The following GALNTL6 variants were observed in gnomAD, a reference collection of about 807,000 sequenced individuals.
The protein encoded by GALNTL6 is polypeptide N-acetylgalactosaminyltransferase-like 6.
In GALNTL6, 46 loss-of-function variants were observed where a neutral mutation model predicts 73.7. That is an observed-to-expected ratio of 0.62 (90% CI 0.49 to 0.80). GALNTL6 has a LOEUF of 0.80. GALNTL6 is among the 30% of genes least tolerant of loss of function. The probability of loss-of-function intolerance (pLI) is 0.00; values close to 1 mark genes in which losing one functional copy is unlikely to be tolerated. For missense variants in GALNTL6, 604 were observed against 755.0 expected, an observed-to-expected ratio of 0.80 and a Z score of 2.34; for synonymous variants, 259 against 263.7, an observed-to-expected ratio of 0.98 and a Z score of 0.17.
chr4:172,360,904 G>A (rs1742342262), intron 5 of GALNTL6, among the ~76,000 whole-genome samples: 1 of 152,142 alleles, frequency 6.6e-6, no homozygotes, highest in African/African-American at 2.4e-5. Context: ...AGGTTTGAAG[G>A]CCAGAAGCAA....
chr4:172,487,295 C>CTTCT (rs1554029530), intron 5 of GALNTL6, among the ~76,000 whole-genome samples: 11 of 81,568 alleles, frequency 1.3e-4, no homozygotes, highest in South Asian at 1.0e-3. Context: ...TCCTTCTTTC[C>CTTCT]TTCTGTCTTT....
chr4:172,576,279 T>C (rs763326094), intron 5 of GALNTL6, among the ~76,000 whole-genome samples: 1 of 152,162 alleles, frequency 6.6e-6, no homozygotes, highest in Non-Finnish European at 1.5e-5. Flanking sequence ...TGGGTATTCA[T>C]CTACACAGGG....
At chr4:172,206,697 A>T (rs1469359164) in intron 2 of GALNTL6, among the ~76,000 whole-genome samples, 1 of 151,870 alleles carries the variant, frequency 6.6e-6, no homozygotes, top group Non-Finnish European at 1.5e-5. Context: ...TTCTAGACAG[A>T]GGAGAGAACA....
intron 10 of GALNTL6, among the ~76,000 whole-genome samples, chr4:172,967,604 T>C (rs1460658135): frequency 1.3e-5 from 2 of 152,108 alleles, no homozygotes; most frequent in Non-Finnish European, 2.9e-5. Context: ...GTCCCAACTA[T>C]AATATTAGGG....
chr4:171,918,151 C>T (rs796127367), intron 2 of GALNTL6, among the ~76,000 whole-genome samples: 27 of 152,124 alleles, frequency 1.8e-4, no homozygotes, highest in African/African-American at 6.5e-4. Flanking sequence ...AGACAATAGT[C>T]TTGTTTCTTT....
intron 2 of GALNTL6, among the ~76,000 whole-genome samples, chr4:172,014,859 C>T (rs564361573): frequency 7.2e-5 from 11 of 151,942 alleles, no homozygotes; most frequent in Non-Finnish European, 1.6e-4. Context: ...TGTATAGTTT[C>T]GAAGGTTCCA....
At chr4:171,886,295 C>G (rs1736606274) in intron 2 of GALNTL6, among the ~76,000 whole-genome samples, 1 of 152,054 alleles carries the variant, frequency 6.6e-6, no homozygotes, top group South Asian at 2.1e-4. Flanking sequence ...GCCATTATAT[C>G]AAAGTAACCA....
intron 3 of GALNTL6, among the ~76,000 whole-genome samples, chr4:172,298,138 G>T (rs1739756444): frequency 6.6e-6 from 1 of 152,130 alleles, no homozygotes. Flanking sequence ...GTTCACTCAT[G>T]ATTTGGCTCT....
intron 2 of GALNTL6, among the ~76,000 whole-genome samples, chr4:171,942,382 T>C (rs7675647): frequency 6.6e-6 from 1 of 152,014 alleles, no homozygotes; most frequent in Non-Finnish European, 1.5e-5. Context: ...CATGTAGCCA[T>C]GATGTTTTGT....
intron 5 of GALNTL6, among the ~76,000 whole-genome samples, chr4:172,655,865 G>A (rs1201734007): frequency 2.0e-5 from 3 of 151,916 alleles, no homozygotes; most frequent in Non-Finnish European, 2.9e-5. Context: ...TGAAATAATC[G>A]CAAGTACCTC....
chr4:172,859,336 C>T, intron 7 of GALNTL6, among the ~76,000 whole-genome samples: 1 of 152,226 alleles, frequency 6.6e-6, no homozygotes, highest in South Asian at 2.1e-4. Flanking sequence ...TTGTTCTCAT[C>T]CTTGTTCAAG....
At chr4:172,312,569 A>C (rs909730805) in intron 4 of GALNTL6, among the ~76,000 whole-genome samples, 1 of 152,146 alleles carries the variant, frequency 6.6e-6, no homozygotes, top group Non-Finnish European at 1.5e-5. Context: ...ACAACAACCC[A>C]AAAACTTCCC....
rs72698952 is a variant in GALNTL6, at chr4:172,037,456, C to T, written c.139-192200C>T. 7.3e-3 allele frequency among the ~76,000 whole-genome samples: 1,117 copies of T among 152,252 alleles called. 7 individuals carry two copies. The highest frequency in any genetic ancestry group is 0.017 in the Middle Eastern group (5 of 294). ...CACTTTGTGCAGATGGCCATGCCTACTATTTCACAGGAAAACTAGATACTG... is the reference window on the plus strand; with the variant it reads ...CACTTTGTGCAGATGGCCATGCCTATTATTTCACAGGAAAACTAGATACTG... On this transcript the variant is annotated intron_variant, in intron 2 of 12. Transcript: ENST00000506823.
intron 5 of GALNTL6, among the ~76,000 whole-genome samples, chr4:172,500,526 C>T (rs1734224166): frequency 6.6e-6 from 1 of 152,114 alleles, no homozygotes; most frequent in Non-Finnish European, 1.5e-5. Flanking sequence ...AAGTCTCTCA[C>T]CTGAAACTAT....
chr4:172,892,681 C>T (rs184352155), intron 8 of GALNTL6, among the ~76,000 whole-genome samples: 2 of 151,114 alleles, frequency 1.3e-5, no homozygotes, highest in East Asian at 3.9e-4. Flanking sequence ...CTGCATATGC[C>T]ATATGCCCTT....
At chr4:172,308,913 T>G (rs1740252739) in intron 3 of GALNTL6, among the ~76,000 whole-genome samples, 1 of 152,150 alleles carries the variant, frequency 6.6e-6, no homozygotes, top group Admixed American at 6.6e-5. Flanking sequence ...GGTTAAAAAT[T>G]TATATGAAGT....
chr4:172,982,909 C>T (rs990975154), intron 10 of GALNTL6, among the ~76,000 whole-genome samples: 2 of 152,020 alleles, frequency 1.3e-5, no homozygotes, highest in African/African-American at 4.8e-5. Flanking sequence ...CATGTTCTCA[C>T]TCATAAGTAG....
chr4:172,787,651 G>C (rs1285459816), intron 5 of GALNTL6, among the ~76,000 whole-genome samples: 2 of 152,150 alleles, frequency 1.3e-5, no homozygotes, highest in Non-Finnish European at 2.9e-5. Context: ...CAGTCCATAG[G>C]GGGCTGAAAT....
intron 5 of GALNTL6, among the ~76,000 whole-genome samples, chr4:172,688,051 A>ATTTAT: frequency 6.6e-6 from 1 of 152,212 alleles, no homozygotes; most frequent in Non-Finnish European, 1.5e-5. Flanking sequence ...TTTCCTAGAT[A>ATTTAT]CCTTTTGTCC....
Sources: gnomAD v4.1 joint callset for allele counts (sites outside exome capture counted in the v4.1 genomes callset) on GRCh38, gnomAD v4.1.1 for gene constraint, MANE v1.5 for transcripts, NCBI Gene and HGNC (gene_info 2026-07-23, HGNC 2026-07-21) for gene names.